Variants in EPB41L4A observed in about 807,000 individuals in gnomAD.
EPB41L4A encodes the protein band 4.1-like protein 4A.
Under a neutral mutation model 108.6 loss-of-function variants are expected in EPB41L4A, and 100 were observed. The observed-to-expected ratio is 0.92, with a 90% CI of 0.78 to 1.09. The LOEUF (loss-of-function observed/expected upper bound fraction) is 1.09, where lower values mean the gene tolerates loss of function less well. EPB41L4A is among the 50% of genes least tolerant of loss of function. The pLI is 0.00. For missense variants in EPB41L4A, 1,030 were observed against 842.7 expected (o/e 1.22, Z -2.75); for synonymous variants, 319 against 289.0 (o/e 1.10, Z -1.05).
chr5:112,210,110 C>T (rs1762664465), intron 12 of EPB41L4A, 128 bp from the exon 13 acceptor site: 3 of 565,182 alleles, frequency 5.3e-6, no homozygotes, highest in African/African-American at 1.9e-5. Flanking sequence ...TAAATTATAA[C>T]CCCAAATAAA....
At chr5:112,409,246 T>C (rs1051471775) in intron 1 of EPB41L4A, among the ~76,000 whole-genome samples, 16 of 152,186 alleles carry the variant, frequency 1.1e-4, no homozygotes, top group Non-Finnish European at 8.8e-5. Flanking sequence ...TTACATATCA[T>C]ATGAATCCTT....
intron 4 of EPB41L4A, among the ~76,000 whole-genome samples, chr5:112,272,273 C>G (rs372597876): frequency 1.3e-5 from 2 of 150,928 alleles, no homozygotes; most frequent in African/African-American, 4.9e-5. Flanking sequence ...CAGGAGTAAC[C>G]GGGAGTACAG....
chr5:112,261,293 G>A (rs1264744144), intron 7 of EPB41L4A, among the ~76,000 whole-genome samples: 1 of 152,020 alleles, frequency 6.6e-6, no homozygotes, highest in Admixed American at 6.6e-5. Context: ...TCTTCTTGGA[G>A]GAAATGCTAA....
intron 12 of EPB41L4A, among the ~76,000 whole-genome samples, chr5:112,216,872 T>C (rs1454725759): frequency 6.6e-6 from 1 of 152,224 alleles, no homozygotes; most frequent in Non-Finnish European, 1.5e-5. Context: ...AAAATGGCAG[T>C]ATAGCAAATT....
chr5:112,406,272 C>A (rs1348629801), intron 1 of EPB41L4A, among the ~76,000 whole-genome samples: 1 of 152,168 alleles, frequency 6.6e-6, no homozygotes, highest in East Asian at 1.9e-4. Context: ...TACCTTTCTG[C>A]TTTCTTCTCT....
chr5:112,244,482 TGAGAAA>T (rs904422502), intron 9 of EPB41L4A, among the ~76,000 whole-genome samples: 63 of 152,166 alleles, frequency 4.1e-4, no homozygotes, highest in Non-Finnish European at 2.1e-4. Flanking sequence ...GGCAGCTCCC[TGAGAAA>T]GAGAAAGAGA....
intron 1 of EPB41L4A, among the ~76,000 whole-genome samples, chr5:112,408,577 G>A (rs776782039): frequency 5.4e-5 from 8 of 148,376 alleles, no homozygotes; most frequent in Non-Finnish European, 7.4e-5. Flanking sequence ...TGACCAATAC[G>A]GCCAGGTGCA....
intron 1 of EPB41L4A, among the ~76,000 whole-genome samples, chr5:112,353,096 G>C (rs571239655): frequency 4.8e-4 from 73 of 152,326 alleles, no homozygotes; most frequent in African/African-American, 1.6e-3. Flanking sequence ...GTAATCAGCA[G>C]CAGTAATGTC....
intron 1 of EPB41L4A, among the ~76,000 whole-genome samples, chr5:112,364,341 C>T (rs1280637399): frequency 6.6e-6 from 1 of 152,150 alleles, no homozygotes; most frequent in Non-Finnish European, 1.5e-5. Flanking sequence ...TATTTTCATG[C>T]AAATATTTGT....
At chr5:112,280,775 T>G (rs758732895) in intron 2 of EPB41L4A, among the ~76,000 whole-genome samples, 1 of 152,204 alleles carries the variant, frequency 6.6e-6, no homozygotes, top group Non-Finnish European at 1.5e-5. Context: ...ACAAGTGACT[T>G]CTATTTTTGG....
At chr5:112,379,864 T>C (rs908131915) in intron 1 of EPB41L4A, among the ~76,000 whole-genome samples, 14 of 152,198 alleles carry the variant, frequency 9.2e-5, no homozygotes, top group African/African-American at 3.4e-4. Context: ...ATTAGTTATA[T>C]GTAATCCTAT....
intron 1 of EPB41L4A, among the ~76,000 whole-genome samples, chr5:112,388,125 A>C (rs188366252): frequency 6.6e-6 from 1 of 152,266 alleles, no homozygotes; most frequent in East Asian, 1.9e-4. Context: ...TTCAAAACCC[A>C]ACAAGGCGGC....
intron 13 of EPB41L4A, 133 bp from the exon 14 acceptor site, chr5:112,205,637 AC>A (rs1580429760): frequency 2.9e-6 from 2 of 694,312 alleles, no homozygotes; most frequent in East Asian, 2.9e-5. Flanking sequence ...TATACCTGTG[AC>A]TCTAAAAAGA....
chr5:112,362,020 T>G (rs748133128), intron 1 of EPB41L4A, among the ~76,000 whole-genome samples: 1 of 152,244 alleles, frequency 6.6e-6, no homozygotes, highest in Non-Finnish European at 1.5e-5. Context: ...CTTGGTCTTG[T>G]TGGCAATACC....
rs199684882 is a variant in EPB41L4A at position 112,418,999 on chromosome 5, T to A, written c.41A>T (p.Glu14Val). 6.2e-7 allele frequency: 1 copy of A among 1,613,342 alleles called. No individual in the cohort carries two copies. Among genetic ancestry groups the A allele is most frequent in the African/African-American group, 1.3e-5 (1 of 74,814 alleles). Residue 14 changes from glutamate (E) to valine (V), a missense_variant, in exon 1 of 23, where the codon GAA becomes GTA. By Grantham distance (121) the Glu-to-Val change is moderately radical (BLOSUM62 -2). Coordinates refer to ENST00000261486, the MANE Select transcript of EPB41L4A (RefSeq NM_022140.5). ...FCAVPEEFYC[E>V]VLLLDESKLT... ...CTTGGATTCATCCAGGAGCAAAACTTCGCAGTAAAATTCTTCCGGAACAGC... is the reference window on the plus strand; with the variant it reads ...CTTGGATTCATCCAGGAGCAAAACTACGCAGTAAAATTCTTCCGGAACAGC...
intron 1 of EPB41L4A, among the ~76,000 whole-genome samples, chr5:112,393,763 C>A (rs1307496236): frequency 2.0e-5 from 3 of 152,024 alleles, no homozygotes; most frequent in African/African-American, 7.2e-5. Context: ...ATCCTGATAC[C>A]AAAGCCTGGC....
chr5:112,145,370 T>C (rs1253879899), intron 13 of EPB41L4A, among the ~76,000 whole-genome samples: 1 of 152,234 alleles, frequency 6.6e-6, no homozygotes, highest in African/African-American at 2.4e-5. Context: ...TTACTTGAAG[T>C]GCTGACTTGT....
At chr5:112,403,798 A>G (rs1366284842) in intron 1 of EPB41L4A, among the ~76,000 whole-genome samples, 2 of 152,178 alleles carry the variant, frequency 1.3e-5, no homozygotes, top group African/African-American at 4.8e-5. Context: ...CATCTCCATC[A>G]AGTGAACAAG....
At chr5:112,223,865 T>G (rs974010569) in intron 12 of EPB41L4A, among the ~76,000 whole-genome samples, 11 of 151,200 alleles carry the variant, frequency 7.3e-5, no homozygotes, top group African/African-American at 2.6e-4. Flanking sequence ...CTCGTCAGTT[T>G]GGACTAAAAG....
Sources: allele counts gnomAD v4.1 joint callset (sites outside exome capture counted in the v4.1 genomes callset), GRCh38; gene constraint gnomAD v4.1.1; transcripts MANE v1.5; gene names NCBI Gene and HGNC (gene_info 2026-07-23, HGNC 2026-07-21).